Variants in POR observed in about 807,000 individuals in gnomAD.
POR encodes NADPH--cytochrome P450 reductase.
Under a neutral mutation model 84.0 loss-of-function variants are expected in POR, and 56 were observed. The observed-to-expected ratio is 0.67, with a 90% CI of 0.54 to 0.83. The LOEUF is 0.83. Among genes scored for constraint, POR ranks in the 40% least tolerant of loss-of-function variants. The probability of loss-of-function intolerance (pLI) is 0.00; values close to 1 mark genes in which losing one functional copy is unlikely to be tolerated. For missense variants in POR, 938 were observed against 944.3 expected (o/e 0.99, Z 0.09); for synonymous variants, 414 against 400.5 (o/e 1.03, Z -0.40).
intron 1 of POR, among the ~76,000 whole-genome samples, chr7:75,950,275 C>G (rs1194892300): frequency 6.6e-6 from 1 of 152,192 alleles, no homozygotes; most frequent in Non-Finnish European, 1.5e-5. Context: ...TACCGCTAAC[C>G]TCACTCCCAG....
rs1205380271 is a variant in POR, at chr7:75,980,987, T to C, written c.517-61T>C. 17 of 1,491,334 alleles carry C rather than the reference T, an allele frequency of 1.1e-5. 1 individual carries two copies. Among genetic ancestry groups the C allele is most frequent in the East Asian group, 1.0e-4 (4 of 40,142 alleles). 92.4% of individuals were successfully genotyped at this position (1,491,334 alleles called of 1,614,324 possible). Reference sequence around the variant, plus strand: ...TGTGGGGCCTCCCGCCCTGCCCCCATGGCCCCTCCCACTGGTCAGGTCGAG... The same window carrying C: ...TGTGGGGCCTCCCGCCCTGCCCCCACGGCCCCTCCCACTGGTCAGGTCGAG... On this transcript the variant is annotated intron_variant, in intron 5 of 15. Coordinates refer to ENST00000461988, the MANE Select transcript of POR (RefSeq NM_000941.3).
intron 1 of POR, among the ~76,000 whole-genome samples, chr7:75,936,525 G>A (rs1291307219): frequency 6.6e-6 from 1 of 152,090 alleles, no homozygotes; most frequent in Non-Finnish European, 1.5e-5. Flanking sequence ...TCCTTAGTGT[G>A]CCTTCCCTTT....
chr7:75,952,133 CG>C (rs1554552942), intron 1 of POR, among the ~76,000 whole-genome samples: 1 of 88,094 alleles, frequency 1.1e-5, no homozygotes, highest in Non-Finnish European at 2.2e-5. Context: ...GCTGGCCGGG[CG>C]GGGGGCTGAC....
intron 1 of POR, among the ~76,000 whole-genome samples, chr7:75,916,491 A>G (rs1806575173): frequency 6.6e-6 from 1 of 151,790 alleles, no homozygotes; most frequent in African/African-American, 2.4e-5. Flanking sequence ...TTTTTTTGGG[A>G]GGAGGGCTGT....
chr7:75,922,289 C>T (rs1400570043), intron 1 of POR, among the ~76,000 whole-genome samples: 2 of 150,892 alleles, frequency 1.3e-5, no homozygotes, highest in Non-Finnish European at 2.9e-5. Context: ...ATTGACTGAG[C>T]TCAGATGTCA....
intron 2 of POR, among the ~76,000 whole-genome samples, chr7:75,960,054 C>T (rs1585110575): frequency 6.6e-6 from 1 of 152,000 alleles, no homozygotes; most frequent in Non-Finnish European, 1.5e-5. Flanking sequence ...TTCAGGAGGC[C>T]GAGGCAGGTG....
At chr7:75,983,696 G>A (rs781905621) in intron 9 of POR, 42 bp from the exon 10 acceptor site, 17 of 1,607,916 alleles carry the variant, frequency 1.1e-5, no homozygotes, top group Admixed American at 6.7e-5. Flanking sequence ...CCTGGGGCAG[G>A]GCCAGCCTTC....
At chr7:75,927,487 A>G (rs1412454971) in intron 1 of POR, among the ~76,000 whole-genome samples, 2 of 151,978 alleles carry the variant, frequency 1.3e-5, no homozygotes, top group Admixed American at 6.6e-5. Flanking sequence ...AAAAACCCCA[A>G]AAAACAAAAA....
In POR at chr7:75,986,329, CTGCCCAGGGATGCACGGAACA is replaced by C; in HGVS notation, c.1899-5_1914del. 6.2e-7 allele frequency: 1 copy of C among 1,612,586 alleles called. No individual in the cohort carries two copies. Among genetic ancestry groups the C allele is most frequent in the Non-Finnish European group, 8.5e-7 (1 of 1,179,824 alleles). ...GCCCAGCCCCCAGCACCCCCTCTTC[CTGCCCAGGGATGCACGGAACA>C]TGGCCAGGGATGTGCAGAACACCTT... On this transcript the variant is annotated splice_acceptor_variant and splice_polypyrimidine_tract_variant and coding_sequence_variant and intron_variant, in exon 16 of 16. Coordinates refer to ENST00000461988, the MANE Select transcript of POR (RefSeq NM_000941.3). LOFTEE classifies it high-confidence loss of function.
rs1391484844 is a variant in POR, at chr7:75,981,502, C to A, written c.642-15C>A. 1 of 1,607,448 alleles carries A rather than the reference C, an allele frequency of 6.2e-7. No homozygotes were observed. Among genetic ancestry groups the A allele is most frequent in the Non-Finnish European group, 8.5e-7 (1 of 1,177,378 alleles). On this transcript the variant is annotated splice_polypyrimidine_tract_variant and intron_variant, in intron 6 of 15. Transcript: ENST00000461988. The stretch of plus-strand genomic sequence containing the variant: ...CCTCCCCTGAGCCGCTCCCCCTCTC[C>A]TCTCCTCGGCCCAGCTTGGAGGAGG...
intron 1 of POR, among the ~76,000 whole-genome samples, chr7:75,930,256 TTCTC>T (rs1340680972): frequency 2.0e-5 from 3 of 152,130 alleles, no homozygotes; most frequent in Non-Finnish European, 2.9e-5. Flanking sequence ...AGGCAGGCCT[TTCTC>T]TCTTCTGCAA....
intron 1 of POR, among the ~76,000 whole-genome samples, chr7:75,946,108 T>G (rs1554552102): frequency 6.6e-6 from 1 of 152,180 alleles, no homozygotes; most frequent in Admixed American, 6.6e-5. Context: ...ACCAGCCAGC[T>G]ACCGAAATTG....
At chr7:75,920,588 A>G (rs1187918013) in intron 1 of POR, among the ~76,000 whole-genome samples, 5 of 151,920 alleles carry the variant, frequency 3.3e-5, no homozygotes, top group African/African-American at 1.2e-4. Context: ...ACTTTTTCCT[A>G]CAGCCCTGTT....
In POR at chr7:75,979,441, C is replaced by A. The variant is rs542774696; in HGVS notation, c.238-10C>A. ...GTGGCCCTCACCAACCCTGTGTCTGCCTTCCTTAGGGGAGGAACATCATCG... is the reference window on the plus strand; with the variant it reads ...GTGGCCCTCACCAACCCTGTGTCTGACTTCCTTAGGGGAGGAACATCATCG... On this transcript the variant is annotated splice_polypyrimidine_tract_variant and intron_variant, in intron 3 of 15. Transcript: ENST00000461988. 3.1e-5 allele frequency: 50 copies of A among 1,611,860 alleles called. No individual in the cohort carries two copies. The highest frequency in any genetic ancestry group is 2.2e-4 in the Admixed American group (13 of 59,742).
intron 1 of POR, among the ~76,000 whole-genome samples, chr7:75,936,258 G>A (rs1384378388): frequency 6.6e-6 from 1 of 150,490 alleles, no homozygotes; most frequent in Non-Finnish European, 1.5e-5. Context: ...TGCATGCTGC[G>A]ACACCTGGAT....
At chr7:75,980,842 G>C (rs1788976716) in intron 5 of POR, 5 of 1,121,452 alleles carry the variant, frequency 4.5e-6, no homozygotes, top group Non-Finnish European at 2.5e-6. Flanking sequence ...CAGTGGACGG[G>C]GCAGGCTGTG....
In POR at chr7:75,985,588, A is replaced by C; in HGVS notation, c.1408A>C (p.Asn470His). ...ACGGCCCTCCCCACAGGTCCACCCC[A>C]ACTCTGTGCACATCTGTGCGGTGGT... Residue 470 changes from asparagine to histidine, a missense_variant, in exon 13 of 16, where the codon AAC (asparagine) becomes CAC (histidine). By Grantham distance (68) the Asn-to-His change is moderately conservative. Transcript: ENST00000461988. 3 of 1,552,440 alleles carry C rather than the reference A, an allele frequency of 1.9e-6. No individual in the cohort carries two copies. The highest frequency in any genetic ancestry group is 2.6e-6 in the Non-Finnish European group (3 of 1,144,500).
chr7:75,979,396 C>A, intron 3 of POR, 55 bp from the exon 4 acceptor site: 1 of 1,590,184 alleles, frequency 6.3e-7, no homozygotes, highest in Admixed American at 1.8e-5. Flanking sequence ...GGGTGTTCAC[C>A]GGAGCCGTGG....
chr7:75,958,872 G>A (rs1554554127), intron 2 of POR, among the ~76,000 whole-genome samples: 2 of 152,046 alleles, frequency 1.3e-5, no homozygotes, highest in Admixed American at 1.3e-4. Flanking sequence ...TTACCGACAA[G>A]GAGAGTATTC....
Sources: allele counts gnomAD v4.1 joint callset (sites outside exome capture counted in the v4.1 genomes callset), GRCh38; gene constraint gnomAD v4.1.1; transcripts MANE v1.5; gene names NCBI Gene and HGNC (gene_info 2026-07-23, HGNC 2026-07-21).